Variants in TNPO1 observed in about 807,000 individuals in gnomAD.
TNPO1 encodes transportin 1.
Under a neutral mutation model 119.5 loss-of-function variants are expected in TNPO1, and 8 were observed. The ratio of observed to expected loss-of-function variants is 0.07; its 90% CI spans 0.04 to 0.12. The LOEUF (loss-of-function observed/expected upper bound fraction) is 0.12, where lower values mean the gene tolerates loss of function less well. Among genes scored for constraint, TNPO1 ranks in the 10% least tolerant of loss-of-function variants. The pLI is 1.00. For missense variants in TNPO1, 576 were observed against 1,089.8 expected, an observed-to-expected ratio of 0.53 and a Z score of 6.64; for synonymous variants, 362 against 363.0, an observed-to-expected ratio of 1.00 and a Z score of 0.03.
At chr5:72,874,676 G>C (rs558864213) in intron 7 of TNPO1, among the ~76,000 whole-genome samples, 1 of 152,152 alleles carries the variant, frequency 6.6e-6, no homozygotes, top group Non-Finnish European at 1.5e-5. Context: ...ACTTCACACA[G>C]TGTCCCATTT....
chr5:72,856,814 A>G lies in TNPO1; in HGVS notation c.355+891A>G, dbSNP rs140083025. 2.0e-3 allele frequency among the ~76,000 whole-genome samples: 305 copies of G among 152,290 alleles called. 3 individuals carry two copies. Among genetic ancestry groups the G allele is most frequent in the African/African-American group, 7.1e-3 (294 of 41,570 alleles). On this transcript the variant is annotated intron_variant, in intron 4 of 24. Transcript: ENST00000337273. ...TAATTATAGTAACTCGTATAAATCT[A>G]TTTGGAAACACACACAACTGGCTAT...
intron 6 of TNPO1, among the ~76,000 whole-genome samples, chr5:72,871,302 AAC>A (rs1197203795): frequency 9.2e-5 from 14 of 152,126 alleles, no homozygotes; most frequent in African/African-American, 3.4e-4. Context: ...GAATGAGAAA[AAC>A]ACACTTTAAA....
chr5:72,867,692 A>T (rs927441775), intron 6 of TNPO1, among the ~76,000 whole-genome samples: 2 of 151,972 alleles, frequency 1.3e-5, no homozygotes, highest in Admixed American at 6.6e-5. Flanking sequence ...ACATTTCTTG[A>T]TAGATAATTT....
chr5:72,877,078 G>C, intron 8 of TNPO1, 150 bp from the exon 9 acceptor site: 4 of 397,068 alleles, frequency 1.0e-5, no homozygotes. Flanking sequence ...CTGGGCGACA[G>C]AGTGAGACTG....
intron 1 of TNPO1, among the ~76,000 whole-genome samples, chr5:72,832,513 G>T (rs1744518772): frequency 6.6e-6 from 1 of 152,014 alleles, no homozygotes; most frequent in African/African-American, 2.4e-5. Flanking sequence ...TGCTATATTT[G>T]TCAACAGTGG....
intron 6 of TNPO1, among the ~76,000 whole-genome samples, chr5:72,868,336 G>T (rs1177094374): frequency 6.9e-6 from 1 of 145,942 alleles, no homozygotes; most frequent in Non-Finnish European, 1.5e-5. Context: ...GGAGGCTGAG[G>T]CAGGAGAATG....
intron 1 of TNPO1, among the ~76,000 whole-genome samples, chr5:72,817,296 G>A (rs1336766568): frequency 6.6e-6 from 1 of 152,170 alleles, no homozygotes; most frequent in African/African-American, 2.4e-5. Flanking sequence ...TCTCCTTGGG[G>A]CCTCTTGGCC....
In TNPO1 at chr5:72,913,619, A is replaced by G. The variant is rs764327505; in HGVS notation, c.*4946A>G. 3 of 152,434 alleles carry G rather than the reference A, an allele frequency of 2.0e-5. No individual in the cohort carries two copies. Among genetic ancestry groups the G allele is most frequent in the Non-Finnish European group, 2.9e-5 (2 of 67,906 alleles). 9.4% of individuals were successfully genotyped at this position (152,434 alleles called of 1,614,324 possible). On this transcript the variant is annotated 3_prime_UTR_variant, in exon 25 of 25. Coordinates refer to ENST00000337273, the MANE Select transcript of TNPO1 (RefSeq NM_002270.4). ...GCAGTTTTTGTTTATCTGCCATAGA[A>G]TTTCCTTATACTGTGGCTTGGTATT...
chr5:72,848,969 T>C (rs1258322288), intron 2 of TNPO1, among the ~76,000 whole-genome samples: 1 of 151,864 alleles, frequency 6.6e-6, no homozygotes, highest in Non-Finnish European at 1.5e-5. Flanking sequence ...GCCGCCTGAC[T>C]GGCCAGAAAT....
intron 20 of TNPO1, among the ~76,000 whole-genome samples, chr5:72,898,713 C>T (rs1749617555): frequency 6.6e-6 from 1 of 152,066 alleles, no homozygotes; most frequent in Non-Finnish European, 1.5e-5. Flanking sequence ...CCATCATCTG[C>T]TTTATCGCAT....
In TNPO1 at chr5:72,883,060, A is replaced by G; in HGVS notation, c.982-4A>G. 6.2e-7 allele frequency: 1 copy of G among 1,609,934 alleles called. No homozygotes were observed. ...ACCAAAAATTTCTCTTAAAAAAACA[A>G]CAGGGTGATGTTGAAGAAGACGAAA... On this transcript the variant is annotated splice_region_variant and splice_polypyrimidine_tract_variant and intron_variant, in intron 10 of 24. Transcript: ENST00000337273.
chr5:72,881,803 A>G (rs767335846), intron 9 of TNPO1, among the ~76,000 whole-genome samples: 2 of 152,334 alleles, frequency 1.3e-5, no homozygotes, highest in Middle Eastern at 3.4e-3. Flanking sequence ...TCTGTATAGT[A>G]TAAATTTTTC....
chr5:72,908,143 C>A (rs1229281396), intron 24 of TNPO1, among the ~76,000 whole-genome samples: 2 of 152,080 alleles, frequency 1.3e-5, no homozygotes, highest in Non-Finnish European at 2.9e-5. Context: ...AATGTAGTGA[C>A]CCTGCTGTGG....
At chr5:72,895,656 T>G (rs1393167521) in intron 18 of TNPO1, among the ~76,000 whole-genome samples, 1 of 152,210 alleles carries the variant, frequency 6.6e-6, no homozygotes, top group East Asian at 1.9e-4. Context: ...AAAATTATGA[T>G]ATTCTAATTC....
intron 20 of TNPO1, among the ~76,000 whole-genome samples, chr5:72,897,377 C>G (rs1415433170): frequency 6.6e-6 from 1 of 152,102 alleles, no homozygotes; most frequent in East Asian, 1.9e-4. Context: ...CTTTTTTCCC[C>G]TATTCCAGTG....
At chr5:72,865,339 G>C (rs1481847928) in intron 5 of TNPO1, among the ~76,000 whole-genome samples, 2 of 151,940 alleles carry the variant, frequency 1.3e-5, no homozygotes, top group African/African-American at 4.8e-5. Flanking sequence ...CTACTCGGGA[G>C]GCTGAGGCAG....
At chr5:72,833,752 T>C (rs1293000085) in intron 1 of TNPO1, among the ~76,000 whole-genome samples, 2 of 152,204 alleles carry the variant, frequency 1.3e-5, no homozygotes, top group African/African-American at 4.8e-5. Context: ...TTTCATTCTG[T>C]TTTTTATACT....
intron 21 of TNPO1, among the ~76,000 whole-genome samples, chr5:72,900,700 C>T (rs947685933): frequency 2.0e-5 from 3 of 152,050 alleles, no homozygotes; most frequent in Non-Finnish European, 4.4e-5. Context: ...GGCTCAGGCT[C>T]ATTAATAGTT....
Position 72,906,275 on chromosome 5 carries a change from CT to C in TNPO1, c.*35+868del, listed in dbSNP as rs869051297. On this transcript the variant is annotated intron_variant, in intron 24 of 24. Coordinates refer to ENST00000337273, the MANE Select transcript of TNPO1 (RefSeq NM_002270.4). Reference sequence around the variant, plus strand: ...CCATGTGCCCATCACTTTTTTTTTTCTTTTTTTTTTTTTTTTTTTTTTTTTT... The same window carrying C: ...CCATGTGCCCATCACTTTTTTTTTTCTTTTTTTTTTTTTTTTTTTTTTTTT... Among the ~76,000 whole-genome samples the C allele has an allele frequency of 8.4e-4, 46 of 54,698 alleles. 2 individuals carry two copies. The highest frequency in any genetic ancestry group is 1.8e-3 in the African/African-American group (27 of 14,704). The allele number at this position is 54,698 out of a possible 152,430, so 35.9% of individuals were successfully genotyped here. A position where few individuals can be genotyped will look rare whatever the true frequency, so the allele number is the denominator to read the frequency against.
Sources: allele counts gnomAD v4.1 joint callset (sites outside exome capture counted in the v4.1 genomes callset), GRCh38; gene constraint gnomAD v4.1.1; transcripts MANE v1.5; gene names NCBI Gene and HGNC (gene_info 2026-07-23, HGNC 2026-07-21).